The following SYNPR variants were observed in gnomAD, a reference collection of about 807,000 sequenced individuals.
SYNPR encodes synaptoporin.
In SYNPR, 23 loss-of-function variants were observed where a neutral mutation model predicts 32.9. The ratio of observed to expected loss-of-function variants is 0.70; its 90% confidence interval spans 0.50 to 0.99. The LOEUF (loss-of-function observed/expected upper bound fraction) is 0.99, where lower values mean the gene tolerates loss of function less well. Among genes scored for constraint, SYNPR ranks in the 50% least tolerant of loss-of-function variants. The pLI is 0.00. For synonymous variants in SYNPR, 146 were observed against 135.9 expected, an observed-to-expected ratio of 1.07 and a Z score of -0.52; for missense variants, 318 against 349.3, an observed-to-expected ratio of 0.91 and a Z score of 0.71.
chr3:63,314,409 T>C (rs933463607), intron 2 of SYNPR, among the ~76,000 whole-genome samples: 1 of 151,818 alleles, frequency 6.6e-6, no homozygotes, highest in South Asian at 2.1e-4. Context: ...ATTATGGCCA[T>C]TCTTGCATGA....
rs565243456 is a variant in SYNPR at position 63,257,641 on chromosome 3, T to G, written n.154+5055T>G. Among the ~76,000 whole-genome samples the G allele has an allele frequency of 3.4e-4, 52 of 152,264 alleles. No homozygotes were observed. In the East Asian group the frequency reaches 9.8e-3, roughly 29 times the overall value. On this transcript the variant is annotated intron_variant and non_coding_transcript_variant, in intron 2 of 4. Coordinates refer to the SYNPR transcript ENST00000478456. ...GCCAAATTGTAAAGACCATTGAGGC[T>G]AGGAAGAAACTGCATCAACTAATGA...
At chr3:63,296,073 C>T (rs549244949) in intron 2 of SYNPR, among the ~76,000 whole-genome samples, 2 of 152,204 alleles carry the variant, frequency 1.3e-5, no homozygotes, top group South Asian at 4.1e-4. Context: ...CAGGAGGAAA[C>T]CTGCATGGGG....
chr3:63,317,340 C>T (rs2087053861), intron 2 of SYNPR, among the ~76,000 whole-genome samples: 3 of 151,516 alleles, frequency 2.0e-5, no homozygotes, highest in African/African-American at 4.8e-5. Flanking sequence ...GTATTGAAGT[C>T]CCTCACTATT....
intron 2 of SYNPR, among the ~76,000 whole-genome samples, chr3:63,333,138 GTTCATC>G (rs2087248504): frequency 6.6e-6 from 1 of 151,954 alleles, no homozygotes; most frequent in African/African-American, 2.4e-5. Context: ...TAAATTTTGA[GTTCATC>G]TTAGCTTTCC....
At chr3:63,256,718 A>C (rs575187099) in intron 2 of SYNPR, among the ~76,000 whole-genome samples, 33 of 152,248 alleles carry the variant, frequency 2.2e-4, no homozygotes, top group Non-Finnish European at 4.0e-4. Context: ...AGCTGGACAG[A>C]GAATGACTTT....
chr3:63,303,950 G>A (rs1161433136), intron 2 of SYNPR, among the ~76,000 whole-genome samples: 2 of 151,836 alleles, frequency 1.3e-5, no homozygotes, highest in African/African-American at 4.8e-5. Context: ...GGCAGTTGAG[G>A]GCTAAAATCA....
chr3:63,463,950 T>C (rs932888339), intron 2 of SYNPR, among the ~76,000 whole-genome samples: 1 of 152,222 alleles, frequency 6.6e-6, no homozygotes, highest in African/African-American at 2.4e-5. Context: ...TCACATTTTA[T>C]GTAGATGCCT....
chr3:63,611,504 A>T (rs1331728396), intron 5 of SYNPR, among the ~76,000 whole-genome samples: 1 of 152,210 alleles, frequency 6.6e-6, no homozygotes, highest in Admixed American at 6.5e-5. Flanking sequence ...AAAAACTGAA[A>T]ATAGTTGGAA....
At chr3:63,492,891 A>G (rs1701282183) in intron 3 of SYNPR, among the ~76,000 whole-genome samples, 1 of 152,016 alleles carries the variant, frequency 6.6e-6, no homozygotes, top group Non-Finnish European at 1.5e-5. Flanking sequence ...AGAGAGACTG[A>G]CTTTGAGTTG....
At chr3:63,571,898 G>C in intron 4 of SYNPR, among the ~76,000 whole-genome samples, 1 of 152,126 alleles carries the variant, frequency 6.6e-6, no homozygotes, top group East Asian at 1.9e-4. Flanking sequence ...TCAGTTTCCT[G>C]TCCAGCAAAA....
intron 3 of SYNPR, among the ~76,000 whole-genome samples, chr3:63,553,228 T>C (rs1490726017): frequency 6.6e-6 from 1 of 152,236 alleles, no homozygotes; most frequent in Non-Finnish European, 1.5e-5. Context: ...CTTAGGATTA[T>C]GGCCTCCAAC....
At chr3:63,605,598 G>T (rs183113368) in intron 4 of SYNPR, among the ~76,000 whole-genome samples, 213 of 152,298 alleles carry the variant, frequency 1.4e-3, no homozygotes, top group Non-Finnish European at 2.4e-3. Context: ...CTGCCCACAA[G>T]ATACAAGCAA....
At chr3:63,514,860 T>G (rs1364085697) in intron 3 of SYNPR, among the ~76,000 whole-genome samples, 1 of 152,098 alleles carries the variant, frequency 6.6e-6, no homozygotes, top group African/African-American at 2.4e-5. Context: ...TTACTTTGGA[T>G]CATGGGGCAG....
intron 4 of SYNPR, among the ~76,000 whole-genome samples, chr3:63,574,666 C>A (rs1702947678): frequency 1.3e-5 from 2 of 152,118 alleles, no homozygotes; most frequent in Non-Finnish European, 2.9e-5. Context: ...CAGCCTCTAC[C>A]ACCATATCAT....
At chr3:63,286,454 C>T (rs571748866) in intron 2 of SYNPR, among the ~76,000 whole-genome samples, 2 of 152,286 alleles carry the variant, frequency 1.3e-5, no homozygotes, top group Admixed American at 1.3e-4. Flanking sequence ...CATTGTAATG[C>T]CCAGGTGCTC....
intron 2 of SYNPR, among the ~76,000 whole-genome samples, chr3:63,266,465 G>A (rs11926405): frequency 0.52 from 79,389 of 151,628 alleles, 21,731 homozygotes; most frequent in Non-Finnish European, 0.6. Flanking sequence ...CAATTTGGGA[G>A]GCCAAGGTGG....
intron 3 of SYNPR, among the ~76,000 whole-genome samples, chr3:63,481,445 A>ATGTGTGTG (rs1278991637): frequency 1.0e-4 from 14 of 134,336 alleles, no homozygotes; most frequent in African/African-American, 4.2e-4. Context: ...GTATATATAT[A>ATGTGTGTG]TATATATGTG....
At chr3:63,583,098 A>G (rs1249011545) in intron 4 of SYNPR, among the ~76,000 whole-genome samples, 3 of 152,086 alleles carry the variant, frequency 2.0e-5, no homozygotes, top group African/African-American at 7.2e-5. Context: ...ATCTATTGTT[A>G]GCAGAGAAGG....
At chr3:63,546,342 A>G (rs1702401330) in intron 3 of SYNPR, among the ~76,000 whole-genome samples, 1 of 152,074 alleles carries the variant, frequency 6.6e-6, no homozygotes, top group East Asian at 1.9e-4. Flanking sequence ...CCACAGTTTC[A>G]TGTTGAAATG....
Sources: gnomAD v4.1 joint callset for allele counts (sites outside exome capture counted in the v4.1 genomes callset) on GRCh38, gnomAD v4.1.1 for gene constraint, MANE v1.5 for transcripts, NCBI Gene and HGNC (gene_info 2026-07-23, HGNC 2026-07-21) for gene names.